DPP10: variants seen among roughly 807,000 people sequenced by gnomAD.
DPP10 encodes the protein dipeptidyl peptidase like 10, also known as inactive dipeptidyl peptidase 10.
Under a neutral mutation model 120.9 loss-of-function variants are expected in DPP10, and 33 were observed. The ratio of observed to expected loss-of-function variants is 0.27; its 90% CI spans 0.21 to 0.37. The LOEUF is 0.37. Ranked by LOEUF, DPP10 falls within the 10% of genes least tolerant of loss-of-function variation. The pLI is 1.00. For missense variants in DPP10, 816 were observed against 942.8 expected (o/e 0.87, Z 1.76); for synonymous variants, 337 against 326.1 (o/e 1.03, Z -0.36).
intron 3 of DPP10, among the ~76,000 whole-genome samples, chr2:115,480,913 T>G (rs2075388814): frequency 6.6e-6 from 1 of 152,174 alleles, no homozygotes; most frequent in Admixed American, 6.6e-5. Flanking sequence ...ATTCTTGTGT[T>G]TCTTTAGGTC....
chr2:115,425,981 A>T (rs1416632387), intron 3 of DPP10, among the ~76,000 whole-genome samples: 1 of 152,214 alleles, frequency 6.6e-6, no homozygotes, highest in Non-Finnish European at 1.5e-5. Context: ...TGAGGGCAGC[A>T]CTGAACTAAT....
intron 1 of DPP10, among the ~76,000 whole-genome samples, chr2:115,123,688 A>C (rs988744178): frequency 2.0e-5 from 3 of 151,974 alleles, no homozygotes; most frequent in Non-Finnish European, 4.4e-5. Flanking sequence ...TTTTAGAGAG[A>C]CAGTTTAACA....
At chr2:115,410,760 C>T (rs1186717681) in intron 3 of DPP10, among the ~76,000 whole-genome samples, 1 of 152,182 alleles carries the variant, frequency 6.6e-6, no homozygotes, top group African/African-American at 2.4e-5. Flanking sequence ...TCCTAAATCA[C>T]CACTAAACAA....
intron 1 of DPP10, among the ~76,000 whole-genome samples, chr2:114,853,050 T>C (rs1689091606): frequency 6.6e-6 from 1 of 152,148 alleles, no homozygotes; most frequent in Non-Finnish European, 1.5e-5. Flanking sequence ...TAAGGTATGT[T>C]GAGCTAAAGA....
In DPP10 at chr2:115,842,563, C is replaced by A; in HGVS notation, c.*218C>A. 2.4e-6 allele frequency: 1 copy of A among 414,612 alleles called. No homozygotes were observed. The highest frequency in any genetic ancestry group is 4.1e-6 in the Non-Finnish European group (1 of 245,296). 25.7% of individuals were successfully genotyped at this position (414,612 alleles called of 1,614,324 possible). A position where few individuals can be genotyped will look rare whatever the true frequency, so the allele number is the denominator to read the frequency against. On this transcript the variant is annotated 3_prime_UTR_variant, in exon 26 of 26. Coordinates refer to ENST00000410059, the MANE Select transcript of DPP10 (RefSeq NM_020868.6). ...ACCCGTTTCTTTGTATGAGAGAGGT[C>A]AAAGGGTTGGTTTCCTGGGAGAAAT...
chr2:114,751,193 A>C (rs897803188), intron 1 of DPP10, among the ~76,000 whole-genome samples: 2 of 152,238 alleles, frequency 1.3e-5, no homozygotes, highest in African/African-American at 4.8e-5. Context: ...ACTTCTGATT[A>C]TCTGTGACCT....
intron 1 of DPP10, among the ~76,000 whole-genome samples, chr2:115,105,725 A>G (rs2048916738): frequency 6.6e-6 from 1 of 152,242 alleles, no homozygotes; most frequent in African/African-American, 2.4e-5. Flanking sequence ...CTCCAAGTCT[A>G]TTAAGTTAAT....
At chr2:115,740,287 TAAA>T (rs902156711) in intron 9 of DPP10, among the ~76,000 whole-genome samples, 9 of 151,348 alleles carry the variant, frequency 5.9e-5, no homozygotes, top group Non-Finnish European at 1.0e-4. Flanking sequence ...TGGAAGTTCT[TAAA>T]AAAAAATCTA....
intron 3 of DPP10, among the ~76,000 whole-genome samples, chr2:115,472,610 A>G (rs2074804322): frequency 6.6e-6 from 1 of 152,244 alleles, no homozygotes; most frequent in South Asian, 2.1e-4. Flanking sequence ...ACAAGTCTTT[A>G]CTCTTAATTA....
At chr2:114,895,941 T>C (rs1692926509) in intron 1 of DPP10, among the ~76,000 whole-genome samples, 1 of 152,222 alleles carries the variant, frequency 6.6e-6, no homozygotes, top group Non-Finnish European at 1.5e-5. Context: ...CAGTTTCAGC[T>C]TTCTACATAT....
chr2:115,376,526 CCTTT>C, intron 3 of DPP10, among the ~76,000 whole-genome samples: 1 of 150,538 alleles, frequency 6.6e-6, no homozygotes, highest in Non-Finnish European at 1.5e-5. Context: ...TCTAATAGTC[CCTTT>C]CTTTTTTTTT....
intron 1 of DPP10, among the ~76,000 whole-genome samples, chr2:114,613,688 A>G (rs1403182462): frequency 7.2e-5 from 11 of 152,180 alleles, no homozygotes; most frequent in Non-Finnish European, 5.9e-5. Flanking sequence ...TTGCAGCACT[A>G]TTTACAATAG....
intron 1 of DPP10, among the ~76,000 whole-genome samples, chr2:114,941,614 G>A (rs1264115198): frequency 2.6e-5 from 4 of 152,128 alleles, no homozygotes; most frequent in Non-Finnish European, 5.9e-5. Context: ...GAATAATATA[G>A]TTCAGTGATC....
At chr2:115,693,100 T>A (rs1239837505) in intron 7 of DPP10, among the ~76,000 whole-genome samples, 1 of 152,210 alleles carries the variant, frequency 6.6e-6, no homozygotes, top group Non-Finnish European at 1.5e-5. Flanking sequence ...ATTGTCCAGA[T>A]ACCACAGATT....
chr2:114,968,594 T>C (rs1346344557), intron 1 of DPP10, among the ~76,000 whole-genome samples: 1 of 152,212 alleles, frequency 6.6e-6, no homozygotes, highest in South Asian at 2.1e-4. Context: ...TGACTTACAA[T>C]AATTTATTAT....
At chr2:115,556,770 G>A (rs765047855) in intron 5 of DPP10, among the ~76,000 whole-genome samples, 12 of 152,182 alleles carry the variant, frequency 7.9e-5, no homozygotes, top group Middle Eastern at 3.4e-3. Context: ...CTCCTCCAAG[G>A]TAACGTCAGC....
At chr2:115,356,131 A>G (rs2064369749) in intron 3 of DPP10, among the ~76,000 whole-genome samples, 1 of 152,150 alleles carries the variant, frequency 6.6e-6, no homozygotes, top group South Asian at 2.1e-4. Flanking sequence ...CATTGAATCT[A>G]TAAATTACTT....
rs562531391 is a variant in DPP10 at position 114,820,660 on chromosome 2, G to C, written c.60+377822G>C. Among the ~76,000 whole-genome samples, 3 of 152,192 alleles carry C rather than the reference G, an allele frequency of 2.0e-5. No homozygotes were observed. In the South Asian group the frequency reaches 6.2e-4, roughly 32 times the overall value. On this transcript the variant is annotated intron_variant, in intron 1 of 25. Coordinates refer to ENST00000410059, the MANE Select transcript of DPP10 (RefSeq NM_020868.6). Reference sequence around the variant, plus strand: ...GAGATGGAACGAGTGCTGAGGGGAAGGGGAAGCCCTCTATATAAAACCATC... The same window carrying C: ...GAGATGGAACGAGTGCTGAGGGGAACGGGAAGCCCTCTATATAAAACCATC...
At chr2:114,497,325 GTGTATACATGTACATATACA>G (rs1682716559) in intron 1 of DPP10, among the ~76,000 whole-genome samples, 1 of 18,600 alleles carries the variant, frequency 5.4e-5, no homozygotes, top group African/African-American at 1.5e-4. Flanking sequence ...ACATGTATAC[GTGTATACATGTACATATACA>G]TACACATGTA....
Sources: allele counts gnomAD v4.1 joint callset (sites outside exome capture counted in the v4.1 genomes callset), GRCh38; gene constraint gnomAD v4.1.1; transcripts MANE v1.5; gene names NCBI Gene and HGNC (gene_info 2026-07-23, HGNC 2026-07-21).